The following PTPN7 variants were observed in gnomAD, a reference collection of about 807,000 sequenced individuals.
PTPN7 encodes the protein protein tyrosine phosphatase non-receptor type 7, also known as tyrosine-protein phosphatase non-receptor type 7.
A neutral mutation model predicts 50.3 loss-of-function variants in PTPN7; 33 were observed. The observed-to-expected ratio is 0.66, with a 90% CI of 0.50 to 0.88. The LOEUF (loss-of-function observed/expected upper bound fraction) is 0.88, where lower values mean the gene tolerates loss of function less well. PTPN7 is among the 40% of genes least tolerant of loss of function. The probability of loss-of-function intolerance (pLI) is 0.00; values close to 1 mark genes in which losing one functional copy is unlikely to be tolerated. For synonymous variants in PTPN7, 185 were observed against 186.6 expected, an observed-to-expected ratio of 0.99 and a Z score of 0.07; for missense variants, 412 against 475.4, an observed-to-expected ratio of 0.87 and a Z score of 1.24.
At position 202,159,725 on chromosome 1, in the gene PTPN7, A is replaced by G; in HGVS notation, c.-52-271T>C. On this transcript the variant is annotated intron_variant, in intron 1 of 9. Transcript: ENST00000691036. The surrounding 1 kb of genome is among the most constrained non-coding windows in gnomAD (Gnocchi z 4.6). The stretch of plus-strand genomic sequence containing the variant: ...AGAAGGAGGAAAAGAGAGAGGGGAG[A>G]GAGGCCACACACCAGAGTACACAGG... 7.4e-7 allele frequency: 1 copy of G among 1,358,656 alleles called. No homozygotes were observed. 84.2% of individuals were successfully genotyped at this position (1,358,656 alleles called of 1,614,324 possible).
chr1:202,161,486 T>A (rs994331616), upstream of PTPN7: 13 of 1,289,624 alleles, frequency 1.0e-5, no homozygotes, highest in African/African-American at 4.6e-5. Context: ...GGCCCCCAAG[T>A]CCAAGACTCC....
chr1:202,160,722 G>T, upstream of PTPN7: 2 of 1,550,438 alleles, frequency 1.3e-6, no homozygotes, highest in Non-Finnish European at 1.7e-6. This position sits in a 1 kb window ranked among gnomAD's most constrained non-coding sequence, Gnocchi z 4.8. Context: ...CTGCCACCAG[G>T]GGTCGGCTGC....
chr1:202,150,470 G>A (rs774453522), intron 8 of PTPN7, 46 bp from the exon 9 acceptor site: 1 of 1,454,596 alleles, frequency 6.9e-7, no homozygotes, highest in Admixed American at 1.8e-5. Flanking sequence ...GGAGACCAGG[G>A]AATATGAGAG....
chr1:202,161,546 GC>G, upstream of PTPN7: 1 of 1,287,948 alleles, frequency 7.8e-7, no homozygotes, highest in Non-Finnish European at 1.0e-6. Context: ...CGGGCCAGCA[GC>G]CCAGCCGGTT....
At chr1:202,156,685 C>G (rs1321965139) in intron 4 of PTPN7, among the ~76,000 whole-genome samples, 1 of 152,216 alleles carries the variant, frequency 6.6e-6, no homozygotes, top group Non-Finnish European at 1.5e-5. Flanking sequence ...TACTCCTCCC[C>G]CTGGCCTGGA....
chr1:202,155,651 AC>A (rs1193209450), intron 4 of PTPN7, 42 bp from the exon 5 acceptor site: 1 of 1,484,576 alleles, frequency 6.7e-7, no homozygotes, highest in South Asian at 1.1e-5. Context: ...TCAGAAGGTG[AC>A]CAACTAACAC....
Position 202,160,317 on chromosome 1 carries a change from T to C in PTPN7, c.-53+228A>G, listed in dbSNP as rs73085639. The stretch of plus-strand genomic sequence containing the variant: ...GTGTGAGTGGTAGAGCGAGGGTCTC[T>C]GGTAGCAGAAAAGGTCCCTTCAGCC... On this transcript the variant is annotated intron_variant, in intron 1 of 9. Coordinates refer to ENST00000691036, the MANE Select transcript of PTPN7 (RefSeq NM_002832.4). This position sits in a 1 kb window ranked among gnomAD's most constrained non-coding sequence, Gnocchi z 4.8. Among the ~76,000 whole-genome samples, 3,677 of 152,162 alleles carry C rather than the reference T, an allele frequency of 0.024. 154 individuals are homozygous for C. Among genetic ancestry groups the C allele is most frequent in the African/African-American group, 0.082 (3,406 of 41,472 alleles).
rs903151977 is a variant in PTPN7, at chr1:202,159,661, T to C, written c.-52-207A>G. The C allele has an allele frequency of 9.8e-6, 14 of 1,430,240 alleles. No individual in the cohort carries two copies. In the African/African-American group the frequency reaches 2.0e-4, roughly 20 times the overall value. The allele number at this position is 1,430,240 out of a possible 1,614,324, so 88.6% of individuals were successfully genotyped here. A position where few individuals can be genotyped will look rare whatever the true frequency, so the allele number is the denominator to read the frequency against. ...GTCTCGGGGTAGAGTAACGGCAAGATAAAGGGTAGAGATTGTGGATGAAGA... is the reference window on the plus strand; with the variant it reads ...GTCTCGGGGTAGAGTAACGGCAAGACAAAGGGTAGAGATTGTGGATGAAGA... On this transcript the variant is annotated intron_variant, in intron 1 of 9. Coordinates refer to ENST00000691036, the MANE Select transcript of PTPN7 (RefSeq NM_002832.4). This position sits in a 1 kb window ranked among gnomAD's most constrained non-coding sequence, Gnocchi z 4.6.
chr1:202,153,649 G>A (rs1167905023), intron 7 of PTPN7, 76 bp downstream of exon 7: 4 of 1,219,148 alleles, frequency 3.3e-6, no homozygotes, highest in African/African-American at 1.5e-5. Context: ...GGCTCCTAGT[G>A]AAGAGCCAGC....
At position 202,148,432 on chromosome 1, in the gene PTPN7, C is replaced by T. The variant is rs565279332; in HGVS notation, c.*174G>A. On this transcript the variant is annotated 3_prime_UTR_variant, in exon 10 of 10. Transcript: ENST00000691036. ...TGGCCAGTGTTGAAGACCTGGAATC[C>T]GGCCCCTTGTCCTTACTGCTGCTGC... 26 of 542,802 alleles carry T rather than the reference C, an allele frequency of 4.8e-5. No individual in the cohort carries two copies. In the South Asian group the frequency reaches 5.9e-4, roughly 12 times the overall value. 33.6% of individuals were successfully genotyped at this position (542,802 alleles called of 1,614,324 possible).
chr1:202,150,248 G>C, intron 9 of PTPN7, 63 bp downstream of exon 9: 2 of 1,296,756 alleles, frequency 1.5e-6, no homozygotes, highest in Non-Finnish European at 2.2e-6. Flanking sequence ...CAGAACTCTG[G>C]GGCCCAGAGG....
chr1:202,150,099 C>T, intron 9 of PTPN7: 1 of 459,628 alleles, frequency 2.2e-6, no homozygotes, highest in South Asian at 2.5e-5. Flanking sequence ...TCCCAAAGTG[C>T]TGGGATTACA....
intron 9 of PTPN7, 147 bp from the exon 10 acceptor site, chr1:202,148,846 A>ATT: frequency 4.8e-6 from 1 of 208,374 alleles, no homozygotes; most frequent in South Asian, 1.8e-4. Flanking sequence ...TCATCTTTTC[A>ATT]CTTTTTTTTT....
intron 2 of PTPN7, 93 bp from the exon 3 acceptor site, chr1:202,158,394 C>T: frequency 7.3e-7 from 1 of 1,362,592 alleles, no homozygotes. Flanking sequence ...GGGTCTCTCT[C>T]TGTTGCCCAG....
At chr1:202,151,023 T>G (rs1302722491) in intron 8 of PTPN7, among the ~76,000 whole-genome samples, 1 of 152,214 alleles carries the variant, frequency 6.6e-6, no homozygotes, top group Admixed American at 6.5e-5. Context: ...CCCTGTGTCA[T>G]GCCTTTTGCC....
chr1:202,150,754 T>C (rs939939040), intron 8 of PTPN7, among the ~76,000 whole-genome samples: 18 of 152,274 alleles, frequency 1.2e-4, no homozygotes, highest in African/African-American at 4.1e-4. Context: ...TTCCCACTTG[T>C]GGGTGTGCTG....
intron 3 of PTPN7, 131 bp from the exon 4 acceptor site, chr1:202,157,954 G>C: frequency 8.2e-7 from 1 of 1,225,086 alleles, no homozygotes; most frequent in Non-Finnish European, 1.2e-6. Context: ...TGGGGTGGGG[G>C]CAGAAGGGGA....
chr1:202,154,521 C>T (rs1280495512), intron 5 of PTPN7, among the ~76,000 whole-genome samples, 198 bp from the exon 6 acceptor site: 2 of 152,222 alleles, frequency 1.3e-5, no homozygotes, highest in African/African-American at 4.8e-5. Flanking sequence ...GATCCCTGTT[C>T]TGCTGTTTCC....
Position 202,159,727 on chromosome 1 carries a change from A to G in PTPN7, c.-52-273T>C, listed in dbSNP as rs1437137312. The stretch of plus-strand genomic sequence containing the variant: ...AAGGAGGAAAAGAGAGAGGGGAGAG[A>G]GGCCACACACCAGAGTACACAGGGC... On this transcript the variant is annotated intron_variant, in intron 1 of 9. Transcript: ENST00000691036. The surrounding 1 kb of genome is among the most constrained non-coding windows in gnomAD (Gnocchi z 4.6). 2 of 1,358,098 alleles carry G rather than the reference A, an allele frequency of 1.5e-6. No individual in the cohort carries two copies. Among genetic ancestry groups the G allele is most frequent in the Non-Finnish European group, 1.9e-6 (2 of 1,056,310 alleles). The allele number at this position is 1,358,098 out of a possible 1,614,324, so 84.1% of individuals were successfully genotyped here. A position where few individuals can be genotyped will look rare whatever the true frequency, so the allele number is the denominator to read the frequency against.
Sources: allele counts gnomAD v4.1 joint callset (sites outside exome capture counted in the v4.1 genomes callset), GRCh38; gene constraint gnomAD v4.1.1; non-coding constraint Gnocchi (gnomAD v3.1); transcripts MANE v1.5; gene names NCBI Gene and HGNC (gene_info 2026-07-23, HGNC 2026-07-21).